The following C1orf146 variants were observed in gnomAD, a reference collection of about 807,000 sequenced individuals.
The protein encoded by C1orf146 is protein SPO16 homolog.
In C1orf146, 22 loss-of-function variants were observed where a neutral mutation model predicts 23.0. The ratio of observed to expected loss-of-function variants is 0.96; its 90% CI spans 0.68 to 1.36. The LOEUF (loss-of-function observed/expected upper bound fraction) is 1.36, where lower values mean the gene tolerates loss of function less well. C1orf146 is among the 40% of genes most tolerant of loss of function. The pLI is 0.00. For missense variants in C1orf146, 199 were observed against 206.8 expected, an observed-to-expected ratio of 0.96 and a Z score of 0.23; for synonymous variants, 59 against 65.3, an observed-to-expected ratio of 0.90 and a Z score of 0.47.
intron 2 of C1orf146, among the ~76,000 whole-genome samples, chr1:92,232,972 T>C (rs1178182596): frequency 6.6e-6 from 1 of 152,178 alleles, no homozygotes; most frequent in Non-Finnish European, 1.5e-5. Flanking sequence ...TTTTTTCTTG[T>C]AGATTTGTTT....
chr1:92,231,059 A>G (rs1012671989), intron 1 of C1orf146, among the ~76,000 whole-genome samples: 3 of 152,160 alleles, frequency 2.0e-5, no homozygotes, highest in African/African-American at 7.2e-5. Context: ...TCTGTCTTTT[A>G]TCTGTATAAG....
In C1orf146 at chr1:92,237,388, C is replaced by T. The variant is rs139646768; in HGVS notation, c.67-4824C>T. 5.7e-3 allele frequency among the ~76,000 whole-genome samples: 868 copies of T among 152,322 alleles called. 7 individuals are homozygous for T. The highest frequency in any genetic ancestry group is 0.018 in the African/African-American group (759 of 41,564). On this transcript the variant is annotated intron_variant, in intron 2 of 5. Coordinates refer to ENST00000370375, the MANE Select transcript of C1orf146 (RefSeq NM_001012425.2). ...GAGGTCCACTCCAGACCCTGTTTGC[C>T]TGTGTATCAGCAGTGGTGTCTGCAG...
In C1orf146 at chr1:92,244,869, G is replaced by A. The variant is rs781705936; in HGVS notation, c.408+12G>A. 3.1e-5 allele frequency: 47 copies of A among 1,512,826 alleles called. No individual in the cohort carries two copies. Among genetic ancestry groups the A allele is most frequent in the Non-Finnish European group, 3.7e-5 (40 of 1,091,320 alleles). The allele number at this position is 1,512,826 out of a possible 1,614,324, so 93.7% of individuals were successfully genotyped here. A position where few individuals can be genotyped will look rare whatever the true frequency, so the allele number is the denominator to read the frequency against. On this transcript the variant is annotated intron_variant, in intron 5 of 5. Transcript: ENST00000370375. ...GCACTATAGCAAAGGTGAGTCACCC[G>A]TGGAATATGACACATACACACATAC...
chr1:92,232,012 A>T (rs930697233), intron 2 of C1orf146, among the ~76,000 whole-genome samples: 1 of 152,204 alleles, frequency 6.6e-6, no homozygotes, highest in Non-Finnish European at 1.5e-5. Flanking sequence ...TCTGGAATGA[A>T]GGGGCAAGAA....
chr1:92,244,934 C>T (rs543799708), intron 5 of C1orf146, 77 bp downstream of exon 5: 15 of 822,650 alleles, frequency 1.8e-5, no homozygotes, highest in East Asian at 5.2e-5. Context: ...CCCTTTTGAG[C>T]GAGACTGGCA....
At chr1:92,223,636 G>A (rs1168613991) in intron 1 of C1orf146, among the ~76,000 whole-genome samples, 3 of 152,050 alleles carry the variant, frequency 2.0e-5, no homozygotes, top group Admixed American at 6.5e-5. Context: ...GGGCTCAAGC[G>A]ATTCTCCTGC....
chr1:92,237,705 A>T (rs1413903856), intron 2 of C1orf146, among the ~76,000 whole-genome samples: 2 of 152,104 alleles, frequency 1.3e-5, no homozygotes, highest in Non-Finnish European at 2.9e-5. Context: ...AGCTGTTCCT[A>T]TTTGGCCATC....
At chr1:92,241,631 G>GGCATCCCA (rs1652433775) in intron 2 of C1orf146, among the ~76,000 whole-genome samples, 2 of 152,166 alleles carry the variant, frequency 1.3e-5, no homozygotes, top group Admixed American at 1.3e-4. Context: ...TGGGACTACA[G>GGCATCCCA]GCATGCATCA....
Position 92,245,594 on chromosome 1 carries a change from G to A in C1orf146, c.463G>A (p.Ala155Thr). ...SICYRMITAK[A>T]YIIEQSPVWK... ...TTGCTACAGAATGATAACAGCTAAA[G>A]CTTACATCATTGAGCAAAGTCCTGT... is the stretch of plus-strand genomic sequence containing the variant. The change falls in exon 6 of 6, where the codon GCT becomes ACT. Residue 155 changes from alanine to threonine, a missense_variant. Ala to Thr is a moderately conservative substitution (Grantham distance 58, BLOSUM62 0). Transcript: ENST00000370375. 6.2e-7 allele frequency: 1 copy of A among 1,600,766 alleles called. No homozygotes were observed. The highest frequency in any genetic ancestry group is 8.5e-7 in the Non-Finnish European group (1 of 1,174,982).
At chr1:92,223,156 A>G (rs972503948) in intron 1 of C1orf146, among the ~76,000 whole-genome samples, 2 of 152,090 alleles carry the variant, frequency 1.3e-5, no homozygotes, top group African/African-American at 4.8e-5. Flanking sequence ...TATGCTTTCT[A>G]TTTTCTTTGG....
At position 92,245,676 on chromosome 1, in the gene C1orf146, G is replaced by T; in HGVS notation, c.*2G>T. 1 of 1,541,676 alleles carries T rather than the reference G, an allele frequency of 6.5e-7. No homozygotes were observed. ...AGTGATTCAGTTAACCCAAATTAGA[G>T]TACCAACTTAATGTTTTTCTCGAAG... On this transcript the variant is annotated 3_prime_UTR_variant, in exon 6 of 6. Transcript: ENST00000370375.
intron 2 of C1orf146, among the ~76,000 whole-genome samples, chr1:92,233,722 T>A (rs1302132970): frequency 6.6e-6 from 1 of 152,240 alleles, no homozygotes. Flanking sequence ...TTTCCCGATA[T>A]TGATTCTTCC....
intron 2 of C1orf146, among the ~76,000 whole-genome samples, chr1:92,235,737 G>A (rs890829521): frequency 1.3e-5 from 2 of 152,106 alleles, no homozygotes; most frequent in African/African-American, 4.8e-5. Flanking sequence ...ATTAGTGTGT[G>A]GGCGTCTAAG....
intron 2 of C1orf146, among the ~76,000 whole-genome samples, chr1:92,235,060 G>T (rs990148345): frequency 1.3e-5 from 2 of 152,012 alleles, no homozygotes; most frequent in African/African-American, 2.4e-5. Context: ...CAAAAAACCA[G>T]CTCCTGGATT....
At chr1:92,233,469 A>C (rs1459835680) in intron 2 of C1orf146, among the ~76,000 whole-genome samples, 1 of 152,004 alleles carries the variant, frequency 6.6e-6, no homozygotes, top group Non-Finnish European at 1.5e-5. Flanking sequence ...GTTGATCTAT[A>C]TCTCTGTTTT....
At chr1:92,237,894 A>C (rs1272214292) in intron 2 of C1orf146, among the ~76,000 whole-genome samples, 1 of 152,126 alleles carries the variant, frequency 6.6e-6, no homozygotes, top group Non-Finnish European at 1.5e-5. Flanking sequence ...GTTTTTACTT[A>C]CATTTTCTTC....
chr1:92,222,516 TCCCA>T (rs1268698456), intron 1 of C1orf146, among the ~76,000 whole-genome samples: 35 of 148,216 alleles, frequency 2.4e-4, no homozygotes, highest in African/African-American at 7.7e-4. Flanking sequence ...CCACTTTTTT[TCCCA>T]TTATCCCTTC....
At chr1:92,236,591 A>G (rs1393316792) in intron 2 of C1orf146, among the ~76,000 whole-genome samples, 1 of 151,832 alleles carries the variant, frequency 6.6e-6, no homozygotes, top group Non-Finnish European at 1.5e-5. Flanking sequence ...TGTGTCTTGG[A>G]GTTGCTCTTC....
intron 1 of C1orf146, among the ~76,000 whole-genome samples, chr1:92,228,758 G>A (rs1652030993): frequency 6.6e-6 from 1 of 152,166 alleles, no homozygotes; most frequent in African/African-American, 2.4e-5. Context: ...CATGTACTAA[G>A]GGTTGAAATC....
Sources: allele counts gnomAD v4.1 joint callset (sites outside exome capture counted in the v4.1 genomes callset), GRCh38; gene constraint gnomAD v4.1.1; transcripts MANE v1.5; gene names NCBI Gene and HGNC (gene_info 2026-07-23, HGNC 2026-07-21).